CACNB4: variants seen among roughly 807,000 people sequenced by gnomAD.
CACNB4 encodes voltage-dependent L-type calcium channel subunit beta-4.
In CACNB4, 32 loss-of-function variants were observed where a neutral mutation model predicts 71.2. That is an observed-to-expected ratio of 0.45 (90% CI 0.34 to 0.60). The LOEUF (loss-of-function observed/expected upper bound fraction) is 0.60, where lower values mean the gene tolerates loss of function less well. Ranked by LOEUF, CACNB4 falls within the 20% of genes least tolerant of loss-of-function variation. The probability of loss-of-function intolerance (pLI) is 0.01; values close to 1 mark genes in which losing one functional copy is unlikely to be tolerated. For missense variants in CACNB4, 464 were observed against 647.9 expected (o/e 0.72, Z 3.08); for synonymous variants, 231 against 236.9 (o/e 0.97, Z 0.23).
intron 6 of CACNB4, chr2:151,871,285 A>G (rs2099844560): frequency 6.2e-6 from 1 of 162,486 alleles, no homozygotes; most frequent in Non-Finnish European, 1.3e-5. Context: ...ATCAATAGTT[A>G]TTTTTATATT....
chr2:152,035,630 C>CTCTCTCT (rs1553818021), intron 2 of CACNB4, among the ~76,000 whole-genome samples: 22 of 93,282 alleles, frequency 2.4e-4, no homozygotes, highest in African/African-American at 6.1e-4. Context: ...CCTCCCTCTC[C>CTCTCTCT]CTCTCTCTCT....
At chr2:152,088,570 A>C (rs1490820479) in intron 2 of CACNB4, among the ~76,000 whole-genome samples, 1 of 152,244 alleles carries the variant, frequency 6.6e-6, no homozygotes, top group Non-Finnish European at 1.5e-5. Context: ...CAGCAATTAA[A>C]CTGCAACCTT....
chr2:151,860,955 G>A, intron 9 of CACNB4, 135 bp from the exon 10 acceptor site: 1 of 633,438 alleles, frequency 1.6e-6, no homozygotes, highest in Non-Finnish European at 2.8e-6. Flanking sequence ...TTGGCCACAA[G>A]TATTTTAAAC....
chr2:151,983,503 G>A lies in CACNB4; in HGVS notation c.148-100133C>T, dbSNP rs570503773. 3.4e-3 allele frequency among the ~76,000 whole-genome samples: 520 copies of A among 152,098 alleles called. 3 individuals carry two copies. The highest frequency in any genetic ancestry group is 0.012 in the African/African-American group (479 of 41,498). ...GTGATTCTTGCATCAAATATTTAAG[G>A]AAAATAACATTCATCTACATAGAAA... On this transcript the variant is annotated intron_variant, in intron 2 of 13. Coordinates refer to ENST00000539935, the MANE Select transcript of CACNB4 (RefSeq NM_000726.5).
intron 2 of CACNB4, among the ~76,000 whole-genome samples, chr2:152,058,919 C>T (rs942509347): frequency 6.6e-6 from 1 of 152,204 alleles, no homozygotes; most frequent in African/African-American, 2.4e-5. Context: ...TTGTCCCAGT[C>T]ACTCTAGCTG....
At chr2:151,955,077 G>A (rs559533891) in intron 2 of CACNB4, among the ~76,000 whole-genome samples, 19 of 151,866 alleles carry the variant, frequency 1.3e-4, no homozygotes, top group South Asian at 4.2e-4. Context: ...GGATGGTCTC[G>A]ATCTCCTGAC....
chr2:151,943,175 C>T (rs754962951), intron 2 of CACNB4, among the ~76,000 whole-genome samples: 8 of 152,124 alleles, frequency 5.3e-5, no homozygotes, highest in East Asian at 1.9e-4. Context: ...ATGTCACCTC[C>T]GGCGGCCCAG....
intron 2 of CACNB4, among the ~76,000 whole-genome samples, chr2:151,927,241 C>T (rs149280626): frequency 6.3e-4 from 96 of 152,202 alleles, no homozygotes; most frequent in African/African-American, 2.2e-3. Flanking sequence ...AAGAATGATT[C>T]AGTAGAGAGA....
chr2:152,028,382 G>C lies in CACNB4; in HGVS notation c.147+69948C>G, dbSNP rs527798455. Among the ~76,000 whole-genome samples the C allele has an allele frequency of 4.6e-5, 7 of 152,280 alleles. No individual in the cohort carries two copies. The East Asian group carries it at 1.2e-3, about 25-fold the overall frequency. ...CCAGATTTACATGTGCCCCGAATGA[G>C]TCAACATGAATTCTCCCGACACCCA... On this transcript the variant is annotated intron_variant, in intron 2 of 13. Transcript: ENST00000539935.
chr2:151,933,228 A>G (rs2099862066), intron 2 of CACNB4, among the ~76,000 whole-genome samples: 1 of 151,704 alleles, frequency 6.6e-6, no homozygotes, highest in Non-Finnish European at 1.5e-5. Flanking sequence ...ATAGTATCCA[A>G]TAAGGTAAAC....
chr2:151,993,563 CTTTTTTT>C (rs70974814), intron 2 of CACNB4, among the ~76,000 whole-genome samples: 1 of 116,708 alleles, frequency 8.6e-6, no homozygotes, highest in Non-Finnish European at 1.9e-5. Context: ...TTGGGGAGCA[CTTTTTTT>C]TTTTTTTTTT....
intron 2 of CACNB4, among the ~76,000 whole-genome samples, chr2:152,060,038 A>C (rs1171098045): frequency 6.6e-6 from 1 of 152,162 alleles, no homozygotes; most frequent in Non-Finnish European, 1.5e-5. Flanking sequence ...CATGTTTGTA[A>C]GTTTCCTGAG....
chr2:151,924,233 C>G (rs1411034323), intron 2 of CACNB4, among the ~76,000 whole-genome samples: 1 of 151,568 alleles, frequency 6.6e-6, no homozygotes, highest in African/African-American at 2.4e-5. Context: ...CGCCCACTAC[C>G]ACTCCCGGCT....
At chr2:152,080,832 C>A (rs1352650172) in intron 2 of CACNB4, among the ~76,000 whole-genome samples, 1 of 152,054 alleles carries the variant, frequency 6.6e-6, no homozygotes, top group Non-Finnish European at 1.5e-5. Context: ...TGAGTGATTT[C>A]ATGCTTTGAG....
chr2:151,905,312 TAC>T (rs1263627239), intron 2 of CACNB4, among the ~76,000 whole-genome samples: 2 of 152,228 alleles, frequency 1.3e-5, no homozygotes, highest in African/African-American at 4.8e-5. Flanking sequence ...ATTATCAATT[TAC>T]AGTTTCTCAC....
chr2:151,913,874 T>A (rs1487122544), intron 2 of CACNB4, among the ~76,000 whole-genome samples: 1 of 152,060 alleles, frequency 6.6e-6, no homozygotes, highest in East Asian at 1.9e-4. Context: ...CCTTTGCAGG[T>A]GACCTGGCCT....
At chr2:152,044,225 T>A (rs1685021033) in intron 2 of CACNB4, among the ~76,000 whole-genome samples, 1 of 152,110 alleles carries the variant, frequency 6.6e-6, no homozygotes, top group Non-Finnish European at 1.5e-5. Flanking sequence ...TTTTTATTTT[T>A]ATTTTATTTT....
At chr2:151,903,992 A>G (rs977380822) in intron 2 of CACNB4, among the ~76,000 whole-genome samples, 2 of 152,232 alleles carry the variant, frequency 1.3e-5, no homozygotes, top group African/African-American at 4.8e-5. Context: ...AAGGGAGGGA[A>G]GAAGGGCAAA....
chr2:151,954,151 G>A (rs979536032), intron 2 of CACNB4, among the ~76,000 whole-genome samples: 4 of 152,140 alleles, frequency 2.6e-5, no homozygotes, highest in Admixed American at 2.0e-4. Flanking sequence ...AGCAACAACC[G>A]CAGCTTCACT....
Sources: gnomAD v4.1 joint callset for allele counts (sites outside exome capture counted in the v4.1 genomes callset) on GRCh38, gnomAD v4.1.1 for gene constraint, MANE v1.5 for transcripts, NCBI Gene and HGNC (gene_info 2026-07-23, HGNC 2026-07-21) for gene names.